Variants in SLC49A3 observed in about 807,000 individuals in gnomAD.
The protein encoded by SLC49A3 is solute carrier family 49 member A3.
A neutral mutation model predicts 43.8 loss-of-function variants in SLC49A3; 50 were observed. The observed-to-expected ratio is 1.14, with a 90% CI of 0.91 to 1.45. The LOEUF is 1.45. Among genes scored for constraint, SLC49A3 ranks in the 40% most tolerant of loss-of-function variants. The probability of loss-of-function intolerance (pLI) is 0.00; values close to 1 mark genes in which losing one functional copy is unlikely to be tolerated. For synonymous variants in SLC49A3, 413 were observed against 352.0 expected (o/e 1.17, Z -1.94); for missense variants, 906 against 774.1 (o/e 1.17, Z -2.02).
downstream of SLC49A3, chr4:681,175 G>A (rs1284593010): frequency 1.9e-6 from 3 of 1,588,614 alleles, no homozygotes; most frequent in Admixed American, 3.5e-5. Flanking sequence ...AGCCCACGAG[G>A]GGAGGGCGGG....
At chr4:688,787 CACCCAGCCCTGCTCTGTGCCCTGG>C in intron 1 of SLC49A3, 182 bp downstream of exon 1, 2 of 692,150 alleles carry the variant, frequency 2.9e-6, no homozygotes, top group Non-Finnish European at 4.3e-6. Context: ...TCCCCCGGGG[CACCCAGCCCTGCTCTGTGCCCTGG>C]GCCCAGCCAC....
chr4:682,747 C>A (rs752632174), intron 9 of SLC49A3, 34 bp downstream of exon 9: 9 of 1,491,168 alleles, frequency 6.0e-6, no homozygotes, highest in Non-Finnish European at 7.3e-6. Context: ...GCTCACCTGT[C>A]CTGTTCCCTG....
downstream of SLC49A3, chr4:678,547 C>T (rs76067323): frequency 5.8e-4 from 854 of 1,475,462 alleles, 10 homozygotes; most frequent in South Asian, 7.2e-3. Flanking sequence ...CCCTCCAGCC[C>T]GAAGGGCTGA....
At chr4:680,791 G>T, downstream of SLC49A3, 1 of 652,292 alleles carries the variant, frequency 1.5e-6, no homozygotes, top group East Asian at 2.7e-5. Flanking sequence ...TGTGCCCGGT[G>T]GGGGTGGGGC....
rs777311763 is a variant in SLC49A3, at chr4:682,379, G to A, written c.1262-3C>T. 7.5e-7 allele frequency: 1 copy of A among 1,335,050 alleles called. No homozygotes were observed. Among genetic ancestry groups the A allele is most frequent in the Non-Finnish European group, 9.7e-7 (1 of 1,033,646 alleles). The allele number at this position is 1,335,050 out of a possible 1,614,324, so 82.7% of individuals were successfully genotyped here. Reference sequence around the variant, plus strand: ...GCCGGCCATCAGCAGCAGAGACACTGGGGACACATAGCACAGCTGTCCCCA... The same window carrying A: ...GCCGGCCATCAGCAGCAGAGACACTAGGGACACATAGCACAGCTGTCCCCA... On this transcript the variant is annotated splice_region_variant and splice_polypyrimidine_tract_variant and intron_variant, in intron 9 of 9. Coordinates refer to ENST00000322224, the MANE Select transcript of SLC49A3 (RefSeq NM_032219.4).
chr4:683,082 T>C, intron 8 of SLC49A3, 128 bp downstream of exon 8: 2 of 1,320,204 alleles, frequency 1.5e-6, no homozygotes, highest in South Asian at 1.4e-5. Context: ...TGCTCGGCCC[T>C]TGCCAGAGCA....
chr4:679,849 T>G, downstream of SLC49A3: 3 of 1,401,204 alleles, frequency 2.1e-6, no homozygotes, highest in Non-Finnish European at 3.0e-6. Flanking sequence ...TGTGCTGGGG[T>G]CACCTGCTGG....
Position 681,984 on chromosome 4 carries a change from A to T in SLC49A3, c.1654T>A (p.Phe552Ile). Residue 552 changes from phenylalanine to isoleucine, a missense_variant, in exon 10 of 10, where the codon TTC (phenylalanine) becomes ATC (isoleucine). Phe to Ile is a conservative substitution (Grantham distance 21). Coordinates refer to ENST00000322224, the MANE Select transcript of SLC49A3 (RefSeq NM_032219.4). ...FIDPAGSHSS[F>I]SSPWVIT ...TACGTGATCACCCACGGGGAGGAGA[A>T]GGAGGAGTGAGACCCAGCCGGGTCA... 5 of 1,405,418 alleles carry T rather than the reference A, an allele frequency of 3.6e-6. No homozygotes were observed. The highest frequency in any genetic ancestry group is 4.7e-6 in the Non-Finnish European group (5 of 1,065,992). 87.1% of individuals were successfully genotyped at this position (1,405,418 alleles called of 1,614,324 possible).
chr4:682,418 G>A, intron 9 of SLC49A3, 42 bp from the exon 10 acceptor site: 1 of 1,317,212 alleles, frequency 7.6e-7, no homozygotes, highest in Admixed American at 3.2e-5. Context: ...CCAAGCCCAG[G>A]GGCCACAGAT....
intron 7 of SLC49A3, 67 bp downstream of exon 7, chr4:683,542 C>A: frequency 6.5e-7 from 1 of 1,544,282 alleles, no homozygotes; most frequent in East Asian, 2.3e-5. Flanking sequence ...AAGCCGCCAA[C>A]CGCCCTCTCC....
chr4:686,557 A>G lies in SLC49A3; in HGVS notation c.269T>C (p.Leu90Pro), dbSNP rs764311449. Residue 90 changes from leucine (L) to proline (P), a missense_variant, in exon 2 of 10, where the codon CTG (leucine) becomes CCG (proline). Transcript: ENST00000322224. The stretch of plus-strand genomic sequence containing the variant: ...CGCCGCACGGAGCCCGACGGAGTCC[A>G]GGATCCAGATGGCCGCCACGCCAAA... ...TPFGVAAIWILDSVGLRAATI... is the reference protein window; with the variant it reads ...TPFGVAAIWIPDSVGLRAATI... 1 of 1,613,008 alleles carries G rather than the reference A, an allele frequency of 6.2e-7. No individual in the cohort carries two copies. The highest frequency in any genetic ancestry group is 2.2e-5 in the East Asian group (1 of 44,886).
chr4:690,135 A>G (rs1194549664), upstream of SLC49A3, among the ~76,000 whole-genome samples: 1 of 152,102 alleles, frequency 6.6e-6, no homozygotes, highest in African/African-American at 2.4e-5. Flanking sequence ...TGAACAGGCT[A>G]ATGATGAGGC....
intron 6 of SLC49A3, among the ~76,000 whole-genome samples, chr4:684,155 G>A (rs947056802): frequency 6.6e-6 from 1 of 152,246 alleles, no homozygotes; most frequent in Non-Finnish European, 1.5e-5. Flanking sequence ...ACCAGAAGGT[G>A]GCGCTGTCCT....
rs1220107203 is a variant in SLC49A3, at chr4:685,764, G to A, written c.585+71C>T. On this transcript the variant is annotated intron_variant, in intron 4 of 9. Transcript: ENST00000322224. This position sits in a 1 kb window ranked among gnomAD's most constrained non-coding sequence, Gnocchi z 4.3. ...GGCACAGGAACACGGACACACTTGG[G>A]ATCAGGAACACACAGACGTGCATGC... 1 of 1,514,574 alleles carries A rather than the reference G, an allele frequency of 6.6e-7. No homozygotes were observed. Among genetic ancestry groups the A allele is most frequent in the African/African-American group, 1.4e-5 (1 of 72,848 alleles). The allele number at this position is 1,514,574 out of a possible 1,614,324, so 93.8% of individuals were successfully genotyped here.
At chr4:679,024 G>T (rs1160826573), downstream of SLC49A3, 1 of 1,613,672 alleles carries the variant, frequency 6.2e-7, no homozygotes, top group South Asian at 1.1e-5. Flanking sequence ...GGACACCTAT[G>T]CCTCCCTGGG....
At chr4:686,721 G>A (rs1271043942) in intron 1 of SLC49A3, 31 bp from the exon 2 acceptor site, 1 of 1,602,428 alleles carries the variant, frequency 6.2e-7, no homozygotes, top group Non-Finnish European at 8.5e-7. Flanking sequence ...TCAGCGCAGG[G>A]CCACAGACCC....
Position 684,372 on chromosome 4 carries a change from A to G in SLC49A3, c.840+111T>C, listed in dbSNP as rs1740544206. On this transcript the variant is annotated intron_variant, in intron 6 of 9. Transcript: ENST00000322224. ...GGGCCCACAGCACAGAAGGGTGTCA[A>G]TGTGGCCCCCGCCAGGGTCGGACAC... 24 of 1,450,066 alleles carry G rather than the reference A, an allele frequency of 1.7e-5. No individual in the cohort carries two copies. In the South Asian group the frequency reaches 2.9e-4, roughly 18 times the overall value. The allele number at this position is 1,450,066 out of a possible 1,614,324, so 89.8% of individuals were successfully genotyped here. A position where few individuals can be genotyped will look rare whatever the true frequency, so the allele number is the denominator to read the frequency against.
rs773097104 is a variant in SLC49A3 at position 682,768 on chromosome 4, A to AT, written c.1261+12dup. On this transcript the variant is annotated intron_variant, in intron 9 of 9. Transcript: ENST00000322224. The stretch of plus-strand genomic sequence containing the variant: ...CTGTCCTGTTCCCTGGGGACTCCCC[A>AT]TGTGAGGCTCACCTGTCCAGTCAAG... 17 of 1,553,082 alleles carry AT rather than the reference A, an allele frequency of 1.1e-5. No individual in the cohort carries two copies. The highest frequency in any genetic ancestry group is 1.4e-5 in the Non-Finnish European group (16 of 1,141,814).
rs531618349 is a variant in SLC49A3, at chr4:689,046, G to T, written c.82C>A (p.Arg28Ser). The T allele has an allele frequency of 1.3e-6, 2 of 1,586,500 alleles. No individual in the cohort carries two copies. Among genetic ancestry groups the T allele is most frequent in the African/African-American group, 1.4e-5 (1 of 72,174 alleles). The stretch of plus-strand genomic sequence containing the variant: ...ATCGCGAGCAGGAACACCCAGCGGC[G>T]CGCGTAGGTGCGGTGGCCCCGCTGC... ...CAQRGHRTYA[R>S]RWVFLLAISL... The change falls in exon 1 of 10, where the codon CGC (arginine) becomes AGC (serine). Residue 28 changes from arginine (R) to serine (S), a missense_variant. Arg to Ser is a moderately radical substitution (Grantham distance 110, BLOSUM62 -1). Coordinates refer to ENST00000322224, the MANE Select transcript of SLC49A3 (RefSeq NM_032219.4).
Sources: gnomAD v4.1 joint callset for allele counts (sites outside exome capture counted in the v4.1 genomes callset) on GRCh38, gnomAD v4.1.1 for gene constraint, Gnocchi (gnomAD v3.1) non-coding constraint, MANE v1.5 for transcripts, NCBI Gene and HGNC (gene_info 2026-07-23, HGNC 2026-07-21) for gene names.